The following C1orf21 variants were observed in gnomAD, a reference collection of about 807,000 sequenced individuals.
The protein encoded by C1orf21 is uncharacterized protein C1orf21.
A neutral mutation model predicts 18.7 loss-of-function variants in C1orf21; 3 were observed. The observed-to-expected ratio is 0.16, with a 90% CI of 0.07 to 0.42. C1orf21 has a LOEUF of 0.42. Among genes scored for constraint, C1orf21 ranks in the 10% least tolerant of loss-of-function variants. The pLI is 0.99. For missense variants in C1orf21, 104 were observed against 143.6 expected (o/e 0.72, Z 1.41); for synonymous variants, 41 against 46.4 (o/e 0.88, Z 0.47).
intron 1 of C1orf21, among the ~76,000 whole-genome samples, chr1:184,450,190 G>T (rs1657101277): frequency 6.6e-6 from 1 of 152,146 alleles, no homozygotes; most frequent in African/African-American, 2.4e-5. Context: ...TGTTACTCAA[G>T]CTTCAATCAG....
intron 3 of C1orf21, among the ~76,000 whole-genome samples, chr1:184,547,094 T>C (rs536088896): frequency 5.5e-4 from 74 of 135,426 alleles, no homozygotes; most frequent in Non-Finnish European, 9.5e-4. Flanking sequence ...CAGTTAAAAG[T>C]CACCAAAGTA....
rs149677011 is a variant in C1orf21, at chr1:184,568,976, C to T, written c.190-21763C>T. ...CTACTATATACAAAGATGGATAAGA[C>T]GTGAACACCGTCTTTAGGGGCTTGC... is the stretch of plus-strand genomic sequence containing the variant. On this transcript the variant is annotated intron_variant, in intron 3 of 5. Coordinates refer to ENST00000235307, the MANE Select transcript of C1orf21 (RefSeq NM_030806.4). 2.2e-3 allele frequency among the ~76,000 whole-genome samples: 333 copies of T among 152,294 alleles called. 3 individuals are homozygous for T. Among genetic ancestry groups the T allele is most frequent in the Middle Eastern group, 0.01 (3 of 294 alleles).
chr1:184,596,885 A>G (rs201785531), intron 4 of C1orf21, among the ~76,000 whole-genome samples: 4 of 148,884 alleles, frequency 2.7e-5, no homozygotes, highest in Non-Finnish European at 4.4e-5. Context: ...AAAAAAAAAA[A>G]AAAGAAAGAA....
intron 3 of C1orf21, among the ~76,000 whole-genome samples, chr1:184,572,351 G>A (rs571115194): frequency 2.0e-5 from 3 of 152,266 alleles, no homozygotes; most frequent in South Asian, 2.1e-4. Flanking sequence ...AAGAGGGAGC[G>A]AGGGAGCGAG....
intron 1 of C1orf21, among the ~76,000 whole-genome samples, chr1:184,427,546 C>T (rs1276465140): frequency 6.6e-6 from 1 of 152,116 alleles, no homozygotes; most frequent in East Asian, 1.9e-4. Flanking sequence ...CTGGAATTCT[C>T]TTCAGCTGGG....
At chr1:184,612,328 CA>C (rs1475754278) in intron 5 of C1orf21, among the ~76,000 whole-genome samples, 1 of 152,220 alleles carries the variant, frequency 6.6e-6, no homozygotes, top group Non-Finnish European at 1.5e-5. Context: ...TTGCTTTGTA[CA>C]AACCCAAGAG....
At chr1:184,607,615 A>G (rs1659665257) in intron 5 of C1orf21, among the ~76,000 whole-genome samples, 1 of 151,752 alleles carries the variant, frequency 6.6e-6, no homozygotes, top group Non-Finnish European at 1.5e-5. Flanking sequence ...ATATATATAC[A>G]CATGTGTATA....
intron 1 of C1orf21, among the ~76,000 whole-genome samples, chr1:184,390,272 G>T (rs1326687959): frequency 3.3e-5 from 5 of 152,130 alleles, no homozygotes; most frequent in Non-Finnish European, 5.9e-5. Context: ...GTTTCATTCT[G>T]CACCTCCTCA....
intron 1 of C1orf21, among the ~76,000 whole-genome samples, chr1:184,459,134 G>T (rs928191343): frequency 2.6e-5 from 4 of 151,996 alleles, no homozygotes; most frequent in African/African-American, 9.7e-5. Flanking sequence ...ACTTTTCCAG[G>T]GTTCTAAACT....
At chr1:184,410,663 A>ATT (rs71297843) in intron 1 of C1orf21, among the ~76,000 whole-genome samples, 94 of 7,672 alleles carry the variant, frequency 0.012, 18 homozygotes, top group Middle Eastern at 0.25. Flanking sequence ...ATATATATAT[A>ATT]TTTTTTTTTT....
chr1:184,387,596 G>C lies in C1orf21; in HGVS notation c.-125+228G>C, dbSNP rs562913300. ...TGCTGCCAGGGACGGAAGCTGGGGT[G>C]GGGGAGCCGCGAGGGGCGTCTGCCG... is the stretch of plus-strand genomic sequence containing the variant. On this transcript the variant is annotated intron_variant, in intron 1 of 5. Transcript: ENST00000235307. This position sits in a 1 kb window ranked among gnomAD's most constrained non-coding sequence, Gnocchi z 5.6. 5.3e-4 allele frequency among the ~76,000 whole-genome samples: 80 copies of C among 152,138 alleles called. No homozygotes were observed. Among genetic ancestry groups the C allele is most frequent in the African/African-American group, 1.6e-3 (68 of 41,526 alleles).
chr1:184,557,394 C>CA (rs1658894468), intron 3 of C1orf21, among the ~76,000 whole-genome samples: 1 of 152,082 alleles, frequency 6.6e-6, no homozygotes, highest in African/African-American at 2.4e-5. Context: ...TTTTATTCCT[C>CA]GCCCCACTCC....
intron 1 of C1orf21, among the ~76,000 whole-genome samples, chr1:184,462,748 G>A (rs908838805): frequency 6.6e-6 from 1 of 152,158 alleles, no homozygotes; most frequent in African/African-American, 2.4e-5. Flanking sequence ...CCAGGTAAAA[G>A]AGATTGATTC....
chr1:184,586,497 A>G (rs947116657), intron 3 of C1orf21, among the ~76,000 whole-genome samples: 10 of 151,718 alleles, frequency 6.6e-5, no homozygotes, highest in Non-Finnish European at 1.5e-4. Context: ...GTTAGCCAGG[A>G]TGGTCTGGAT....
intron 1 of C1orf21, among the ~76,000 whole-genome samples, chr1:184,452,626 C>A (rs1273906913): frequency 6.6e-6 from 1 of 152,204 alleles, no homozygotes; most frequent in Non-Finnish European, 1.5e-5. Flanking sequence ...CACAGTACAT[C>A]TGTGTGGTCA....
chr1:184,425,639 T>G (rs1656625839), intron 1 of C1orf21, among the ~76,000 whole-genome samples: 1 of 152,172 alleles, frequency 6.6e-6, no homozygotes, highest in Non-Finnish European at 1.5e-5. Context: ...CCTCTGTTGT[T>G]GCCTTATTCA....
intron 5 of C1orf21, among the ~76,000 whole-genome samples, chr1:184,615,578 A>C (rs543609909): frequency 3.1e-4 from 47 of 152,288 alleles, no homozygotes; most frequent in Non-Finnish European, 5.7e-4. Flanking sequence ...GTATCTCCCA[A>C]ACCCGGCTCC....
chr1:184,468,884 C>T (rs971040355), intron 1 of C1orf21, among the ~76,000 whole-genome samples: 3 of 151,142 alleles, frequency 2.0e-5, no homozygotes, highest in Non-Finnish European at 4.4e-5. Context: ...TGCCATTGCA[C>T]TCCAGCCTGG....
In C1orf21 at chr1:184,625,470, CTT is replaced by C. The variant is rs1488742898; in HGVS notation, c.*5917_*5918del. The C allele has an allele frequency of 1.3e-5, 2 of 152,618 alleles. No homozygotes were observed. Among genetic ancestry groups the C allele is most frequent in the Non-Finnish European group, 2.9e-5 (2 of 68,042 alleles). 9.5% of individuals were successfully genotyped at this position (152,618 alleles called of 1,614,324 possible). A position where few individuals can be genotyped will look rare whatever the true frequency, so the allele number is the denominator to read the frequency against. On this transcript the variant is annotated 3_prime_UTR_variant, in exon 6 of 6. Coordinates refer to ENST00000235307, the MANE Select transcript of C1orf21 (RefSeq NM_030806.4). ...CAAGATGCAAATTCATAAAATTACT[CTT>C]TTCCTGGAATAGATCCAGGCAGCTG...
Sources: gnomAD v4.1 joint callset for allele counts (sites outside exome capture counted in the v4.1 genomes callset) on GRCh38, gnomAD v4.1.1 for gene constraint, Gnocchi (gnomAD v3.1) non-coding constraint, MANE v1.5 for transcripts, NCBI Gene and HGNC (gene_info 2026-07-23, HGNC 2026-07-21) for gene names.